ZNF331: variants seen among roughly 807,000 people sequenced by gnomAD.
ZNF331 encodes the protein C2H2-like zinc finger protein rearranged in thyroid adenomas.
Under a neutral mutation model 7.0 loss-of-function variants are expected in ZNF331, and 2 were observed. The ratio of observed to expected loss-of-function variants is 0.29; its 90% CI spans 0.12 to 0.90. ZNF331 has a LOEUF of 0.90. Ranked by LOEUF, ZNF331 falls within the 40% of genes least tolerant of loss-of-function variation. The pLI is 0.58. For missense variants in ZNF331, 432 were observed against 587.7 expected, an observed-to-expected ratio of 0.74 and a Z score of 2.74; for synonymous variants, 196 against 205.4, an observed-to-expected ratio of 0.95 and a Z score of 0.39.
rs939360437 is a variant in ZNF331 at position 53,569,494 on chromosome 19, G to A, written c.9+109G>A. On this transcript the variant is annotated intron_variant, in intron 4 of 5. Coordinates refer to ENST00000449416, the MANE Select transcript of ZNF331 (RefSeq NM_001079906.2). ...CTAGTCAAGCTCTTTATAATTACCT[G>A]TTTCCCAGCTCTTTCTATTCCAGTG... 13 of 1,320,448 alleles carry A rather than the reference G, an allele frequency of 9.8e-6. No homozygotes were observed. The African/African-American group carries it at 1.9e-4, about 19-fold the overall frequency. The allele number at this position is 1,320,448 out of a possible 1,614,324, so 81.8% of individuals were successfully genotyped here. A position where few individuals can be genotyped will look rare whatever the true frequency, so the allele number is the denominator to read the frequency against.
In ZNF331 at chr19:53,578,415, G is replaced by A. The variant is rs2090814308; in HGVS notation, c.*463G>A. 4.3e-6 allele frequency: 1 copy of A among 233,916 alleles called. No individual in the cohort carries two copies. 14.5% of individuals were successfully genotyped at this position (233,916 alleles called of 1,614,324 possible). A position where few individuals can be genotyped will look rare whatever the true frequency, so the allele number is the denominator to read the frequency against. On this transcript the variant is annotated 3_prime_UTR_variant, in exon 6 of 6. Coordinates refer to ENST00000449416, the MANE Select transcript of ZNF331 (RefSeq NM_001079906.2). ...AAAGAAAAGAAAAAAATCATATACT[G>A]AGGTTGCTAAGATCTACATGACAAT...
chr19:53,567,579 A>AC (rs1568531007), intron 3 of ZNF331, among the ~76,000 whole-genome samples: 1 of 151,924 alleles, frequency 6.6e-6, no homozygotes, highest in Non-Finnish European at 1.5e-5. Context: ...AGGCATGGTG[A>AC]CTCATGCCTA....
chr19:53,559,935 A>G (rs2089753592), intron 3 of ZNF331, among the ~76,000 whole-genome samples: 1 of 149,814 alleles, frequency 6.7e-6, no homozygotes, highest in Admixed American at 6.7e-5. Context: ...CCATACACAC[A>G]TACATACACA....
At chr19:53,553,696 A>G (rs929046752) in intron 2 of ZNF331, among the ~76,000 whole-genome samples, 1 of 152,204 alleles carries the variant, frequency 6.6e-6, no homozygotes, top group African/African-American at 2.4e-5. Context: ...CTGCCTGTAC[A>G]TTGTTTACAA....
intron 2 of ZNF331, among the ~76,000 whole-genome samples, chr19:53,544,039 C>T (rs140770084): frequency 0.014 from 2,082 of 144,848 alleles, 45 homozygotes; most frequent in African/African-American, 0.05. Context: ...CCGTCCTGGC[C>T]ACCATGGTGA....
chr19:53,571,510 G>A lies in ZNF331; in HGVS notation c.10-94G>A, dbSNP rs1219222339. ...TGTCACGGGTGTTCAGTCTGCTCAC[G>A]GTGTTCACCCTACCCAGAGGGTGGC... On this transcript the variant is annotated intron_variant, in intron 4 of 5. Coordinates refer to ENST00000449416, the MANE Select transcript of ZNF331 (RefSeq NM_001079906.2). This position sits in a 1 kb window ranked among gnomAD's most constrained non-coding sequence, Gnocchi z 4.7. 19 of 1,516,454 alleles carry A rather than the reference G, an allele frequency of 1.3e-5. No homozygotes were observed. The highest frequency in any genetic ancestry group is 1.9e-5 in the Admixed American group (1 of 51,626). The allele number at this position is 1,516,454 out of a possible 1,614,324, so 93.9% of individuals were successfully genotyped here. A position where few individuals can be genotyped will look rare whatever the true frequency, so the allele number is the denominator to read the frequency against.
chr19:53,512,911 C>A, the ZNF331 span, among the ~76,000 whole-genome samples: 51 of 150,156 alleles, frequency 3.4e-4, no homozygotes, highest in East Asian at 9.8e-3. Flanking sequence ...AAACTGCCTT[C>A]CACCAAACCA....
intron 5 of ZNF331, among the ~76,000 whole-genome samples, chr19:53,574,171 C>T (rs1225869013): frequency 6.6e-6 from 1 of 152,122 alleles, no homozygotes; most frequent in Non-Finnish European, 1.5e-5. Flanking sequence ...GAAATTTTTC[C>T]TCAAGTTCTA....
chr19:53,516,276 C>T (rs576870254), upstream of ZNF331, among the ~76,000 whole-genome samples: 31 of 152,060 alleles, frequency 2.0e-4, no homozygotes, highest in East Asian at 3.9e-4. Flanking sequence ...CATGGTGAAA[C>T]GCTGTCTCTA....
intron 3 of ZNF331, among the ~76,000 whole-genome samples, chr19:53,557,397 C>G (rs954468339): frequency 6.6e-6 from 1 of 152,192 alleles, no homozygotes; most frequent in Non-Finnish European, 1.5e-5. Context: ...TGAAAGGGAG[C>G]TGAGAGCTCT....
intron 2 of ZNF331, chr19:53,555,599 A>G (rs55817222): frequency 0.044 from 6,733 of 152,336 alleles, 188 homozygotes; most frequent in Non-Finnish European, 0.066. Context: ...TTTCAGAGCT[A>G]GAAGTGCTCT....
At chr19:53,557,957 C>T (rs568379361) in intron 3 of ZNF331, among the ~76,000 whole-genome samples, 1 of 152,264 alleles carries the variant, frequency 6.6e-6, no homozygotes, top group African/African-American at 2.4e-5. Context: ...CAGAGCGAGA[C>T]TCTGTCTCAG....
chr19:53,575,615 A>G (rs1220838378), intron 5 of ZNF331, among the ~76,000 whole-genome samples: 4 of 148,158 alleles, frequency 2.7e-5, no homozygotes, highest in Non-Finnish European at 5.9e-5. Flanking sequence ...CTGGGATTAT[A>G]GGCTCACACC....
At chr19:53,506,252 G>T in the ZNF331 span, among the ~76,000 whole-genome samples, 2 of 122,122 alleles carry the variant, frequency 1.6e-5, no homozygotes, top group African/African-American at 3.3e-5. Flanking sequence ...GGAGAATGGC[G>T]TGAACCCGGG....
chr19:53,510,328 A>G, the ZNF331 span, among the ~76,000 whole-genome samples: 1 of 152,148 alleles, frequency 6.6e-6, no homozygotes, highest in African/African-American at 2.4e-5. Context: ...TTCAGTAAAA[A>G]TGGCAGATTA....
the ZNF331 span, among the ~76,000 whole-genome samples, chr19:53,506,580 C>T: frequency 6.6e-6 from 1 of 151,568 alleles, no homozygotes; most frequent in South Asian, 2.1e-4. Context: ...AGTCCCTTAC[C>T]CATGCCATTG....
rs760790539 is a variant in ZNF331 at position 53,577,816 on chromosome 19, G to A, written c.1256G>A (p.Ser419Asn). Residue 419 changes from serine (S) to asparagine (N), a missense_variant, in exon 6 of 6, where the codon AGC (serine) becomes AAC (asparagine). Ser to Asn is a conservative substitution (Grantham distance 46). Transcript: ENST00000449416. Reference protein sequence around the residue: ...KPYGCTECGKSFSHGHQLTQH... With the variant: ...KPYGCTECGKNFSHGHQLTQH... ...TATGGGTGTACAGAATGTGGGAAGA[G>A]CTTTAGTCACGGCCATCAGCTTACA... 39 of 1,613,756 alleles carry A rather than the reference G, an allele frequency of 2.4e-5. No individual in the cohort carries two copies. The highest frequency in any genetic ancestry group is 3.1e-5 in the Non-Finnish European group (36 of 1,179,994).
At chr19:53,514,784 G>C (rs2086863052), upstream of ZNF331, among the ~76,000 whole-genome samples, 1 of 151,456 alleles carries the variant, frequency 6.6e-6, no homozygotes. Flanking sequence ...CCGAGTAGCT[G>C]GGACTACAGA....
chr19:53,571,810 A>G lies in ZNF331; in HGVS notation c.136+80A>G. 1 of 1,504,984 alleles carries G rather than the reference A, an allele frequency of 6.6e-7. No individual in the cohort carries two copies. The highest frequency in any genetic ancestry group is 2.3e-5 in the East Asian group (1 of 43,274). 93.2% of individuals were successfully genotyped at this position (1,504,984 alleles called of 1,614,324 possible). A position where few individuals can be genotyped will look rare whatever the true frequency, so the allele number is the denominator to read the frequency against. ...CTGTGAATTTCAGGACCGCCTTTCA[A>G]GAAACTAGTTGAATTTCTTCTTCCT... On this transcript the variant is annotated intron_variant, in intron 5 of 5. Coordinates refer to ENST00000449416, the MANE Select transcript of ZNF331 (RefSeq NM_001079906.2). The surrounding 1 kb of genome is among the most constrained non-coding windows in gnomAD (Gnocchi z 4.7).
Sources: allele counts gnomAD v4.1 joint callset (sites outside exome capture counted in the v4.1 genomes callset), GRCh38; gene constraint gnomAD v4.1.1; non-coding constraint Gnocchi (gnomAD v3.1); transcripts MANE v1.5; gene names NCBI Gene and HGNC (gene_info 2026-07-23, HGNC 2026-07-21).